DNAJB13: variants seen among roughly 807,000 people sequenced by gnomAD.
DNAJB13 encodes DnaJ heat shock protein family (Hsp40) member B13, also known as dnaJ homolog subfamily B member 13.
A neutral mutation model predicts 35.6 loss-of-function variants in DNAJB13; 22 were observed. That is an observed-to-expected ratio of 0.62 (90% CI 0.44 to 0.88). The LOEUF (loss-of-function observed/expected upper bound fraction) is 0.88. Among genes scored for constraint, DNAJB13 ranks in the 40% least tolerant of loss-of-function variants. DNAJB13 has a pLI of 0.00. For missense variants in DNAJB13, 370 were observed against 384.3 expected (o/e 0.96, Z 0.31); for synonymous variants, 136 against 144.2 (o/e 0.94, Z 0.41).
intron 3 of DNAJB13, chr11:73,963,545 C>T (rs1591193907): frequency 6.6e-6 from 1 of 152,202 alleles, no homozygotes; most frequent in East Asian, 1.9e-4. Context: ...TAGTGCTCCA[C>T]CCCAAGGGTT....
intron 2 of DNAJB13, among the ~76,000 whole-genome samples, chr11:73,959,174 G>T (rs143592622): frequency 1.2e-4 from 19 of 152,278 alleles, no homozygotes; most frequent in Middle Eastern, 3.4e-3. Context: ...TGGCTATGAT[G>T]ACTGAGTTAG....
At chr11:73,966,280 A>G in intron 5 of DNAJB13, 29 bp downstream of exon 5, 2 of 1,594,418 alleles carry the variant, frequency 1.3e-6, no homozygotes, top group Non-Finnish European at 1.7e-6. Flanking sequence ...GACTCAGGTC[A>G]GTCACTGAGC....
Position 73,969,256 on chromosome 11 carries a change from G to C in DNAJB13, c.731G>C (p.Cys244Ser). The C allele has an allele frequency of 2.3e-6, 2 of 871,780 alleles. No homozygotes were observed. The highest frequency in any genetic ancestry group is 4.0e-6 in the Non-Finnish European group (2 of 501,158). 54.0% of individuals were successfully genotyped at this position (871,780 alleles called of 1,614,324 possible). A position where few individuals can be genotyped will look rare whatever the true frequency, so the allele number is the denominator to read the frequency against. ...NPIPLGKALT[C>S]CTVEVRTLDD... ...CCTGACCCTCCCTAGGCTCTCACCTGCTGCACTGTGGAGGTGAGGACCCTA... is the reference window on the plus strand; with the variant it reads ...CCTGACCCTCCCTAGGCTCTCACCTCCTGCACTGTGGAGGTGAGGACCCTA... The change falls in exon 7 of 8, where the codon TGC (cysteine) becomes TCC (serine). Residue 244 changes from cysteine to serine, a missense_variant. Physicochemically the swap from Cys to Ser is moderately radical, Grantham distance 112. Coordinates refer to ENST00000339764, the MANE Select transcript of DNAJB13 (RefSeq NM_153614.4).
intron 1 of DNAJB13, 104 bp downstream of exon 1, chr11:73,951,241 A>T: frequency 1.5e-6 from 2 of 1,363,346 alleles, no homozygotes; most frequent in Non-Finnish European, 2.0e-6. Context: ...AGACAAGGTA[A>T]ACCTTGTTCC....
intron 7 of DNAJB13, 30 bp from the exon 8 acceptor site, chr11:73,969,931 T>G (rs1337331278): frequency 6.3e-7 from 1 of 1,593,418 alleles, no homozygotes; most frequent in South Asian, 1.2e-5. Context: ...TGGGATGCCC[T>G]CTATGCTCCT....
At chr11:73,964,364 C>CT (rs1951019722) in intron 3 of DNAJB13, 1 of 159,306 alleles carries the variant, frequency 6.3e-6, no homozygotes, top group African/African-American at 2.4e-5. Flanking sequence ...AAACTTGAGT[C>CT]TGGGGTCTTT....
chr11:73,964,592 GGGGGGGA>G, intron 3 of DNAJB13: 1 of 367,138 alleles, frequency 2.7e-6, no homozygotes, highest in South Asian at 3.0e-5. Flanking sequence ...GGGCGGGGTG[GGGGGGGA>G]ATGTCCCAAG....
At chr11:73,962,041 C>T (rs753541151) in intron 3 of DNAJB13, among the ~76,000 whole-genome samples, 22 of 152,250 alleles carry the variant, frequency 1.4e-4, no homozygotes, top group Admixed American at 2.6e-4. Flanking sequence ...GATCCGCCTG[C>T]GTCATCCTCC....
Position 73,959,574 on chromosome 11 carries a change from C to G in DNAJB13, c.253C>G (p.Pro85Ala). 6.2e-7 allele frequency: 1 copy of G among 1,614,138 alleles called. No individual in the cohort carries two copies. The highest frequency in any genetic ancestry group is 8.5e-7 in the Non-Finnish European group (1 of 1,180,034). Residue 85 changes from proline to alanine, a missense_variant, in exon 3 of 8, where the codon CCA becomes GCA. Coordinates refer to ENST00000339764, the MANE Select transcript of DNAJB13 (RefSeq NM_153614.4). ...TCCTTTGGAGTTTGGATCCCAGACC[C>G]CATGGACAACTGGTTACGTCTTCCA... ...GIPLEFGSQT[P>A]WTTGYVFHGK...
intron 4 of DNAJB13, 196 bp downstream of exon 4, chr11:73,965,231 T>G: frequency 3.5e-6 from 2 of 574,168 alleles, no homozygotes; most frequent in Non-Finnish European, 5.7e-6. Context: ...GCCCGGTTCT[T>G]TCCTAGTGCA....
In DNAJB13 at chr11:73,958,040, G is replaced by C. The variant is rs73544814; in HGVS notation, c.69-277G>C. 3.7e-3 allele frequency among the ~76,000 whole-genome samples: 556 copies of C among 152,268 alleles called. 3 individuals carry two copies. Among genetic ancestry groups the C allele is most frequent in the African/African-American group, 0.013 (528 of 41,548 alleles). ...TGTCTTGCAGGAATGGGCCAGCCCT[G>C]GTATCCCCACCACACGTAAGCATTG... On this transcript the variant is annotated intron_variant, in intron 1 of 7. Coordinates refer to ENST00000339764, the MANE Select transcript of DNAJB13 (RefSeq NM_153614.4).
chr11:73,966,623 A>G (rs1165437742), intron 5 of DNAJB13, among the ~76,000 whole-genome samples: 1 of 152,140 alleles, frequency 6.6e-6, no homozygotes, highest in Non-Finnish European at 1.5e-5. Context: ...GCCCAATTAC[A>G]GGAGCTACTC....
At position 73,955,652 on chromosome 11, in the gene DNAJB13, A is replaced by C. The variant is rs534695686; in HGVS notation, c.69-2665A>C. 3.3e-5 allele frequency among the ~76,000 whole-genome samples: 5 copies of C among 151,834 alleles called. No individual in the cohort carries two copies. In the East Asian group the frequency reaches 9.9e-4, roughly 30 times the overall value. On this transcript the variant is annotated intron_variant, in intron 1 of 7. Transcript: ENST00000339764. The stretch of plus-strand genomic sequence containing the variant: ...GACCAGCATGGCCAACACGGCAAAA[A>C]CCCGTCTCTACTAAAAATACAAAAA...
intron 3 of DNAJB13, among the ~76,000 whole-genome samples, chr11:73,961,295 A>G (rs1217033653): frequency 6.6e-6 from 1 of 152,158 alleles, no homozygotes; most frequent in African/African-American, 2.4e-5. Flanking sequence ...AATAAAATAC[A>G]TAAATAAAGA....
At chr11:73,951,905 C>T (rs1322244731) in intron 1 of DNAJB13, among the ~76,000 whole-genome samples, 2 of 152,168 alleles carry the variant, frequency 1.3e-5, no homozygotes, top group Non-Finnish European at 2.9e-5. Flanking sequence ...CTCAGCCTTC[C>T]CAAGTGCTGG....
At chr11:73,957,027 G>A (rs1424680328) in intron 1 of DNAJB13, among the ~76,000 whole-genome samples, 2 of 152,078 alleles carry the variant, frequency 1.3e-5, no homozygotes, top group Non-Finnish European at 2.9e-5. Flanking sequence ...CTAGAAAAGC[G>A]GGTGGAGGCA....
intron 1 of DNAJB13, among the ~76,000 whole-genome samples, chr11:73,952,140 T>TA (rs1950601914): frequency 6.6e-6 from 1 of 152,190 alleles, no homozygotes; most frequent in South Asian, 2.1e-4. Flanking sequence ...TGATGAGTGT[T>TA]ACAGAAGAGG....
intron 1 of DNAJB13, among the ~76,000 whole-genome samples, chr11:73,955,467 C>T (rs1368325993): frequency 6.6e-6 from 1 of 151,966 alleles, no homozygotes; most frequent in African/African-American, 2.4e-5. Flanking sequence ...TGCCACTGTG[C>T]CCGGCTAATT....
At chr11:73,964,822 C>CGCGT in intron 3 of DNAJB13, 56 bp from the exon 4 acceptor site, 2 of 1,555,638 alleles carry the variant, frequency 1.3e-6, no homozygotes, top group Non-Finnish European at 1.8e-6. Flanking sequence ...TGCGCGCGCG[C>CGCGT]GCATGTCTGG....
Sources: allele counts gnomAD v4.1 joint callset (sites outside exome capture counted in the v4.1 genomes callset), GRCh38; gene constraint gnomAD v4.1.1; transcripts MANE v1.5; gene names NCBI Gene and HGNC (gene_info 2026-07-23, HGNC 2026-07-21).